Variants in COG6 observed in about 807,000 individuals in gnomAD.
COG6 encodes component of oligomeric golgi complex 6, also known as conserved oligomeric Golgi complex subunit 6.
In COG6, 74 loss-of-function variants were observed where a neutral mutation model predicts 88.8. That is an observed-to-expected ratio of 0.83 (90% CI 0.69 to 1.01). The LOEUF is 1.01. Among genes scored for constraint, COG6 ranks in the 50% least tolerant of loss-of-function variants. The pLI is 0.00. For synonymous variants in COG6, 286 were observed against 278.7 expected, an observed-to-expected ratio of 1.03 and a Z score of -0.26; for missense variants, 800 against 797.9, an observed-to-expected ratio of 1.00 and a Z score of -0.03.
At chr13:39,682,024 C>T (rs1020411246) in intron 7 of COG6, 147 bp from the exon 8 acceptor site, 5 of 633,576 alleles carry the variant, frequency 7.9e-6, no homozygotes, top group Middle Eastern at 4.3e-4. Context: ...AGCATAAATT[C>T]ATTTTTGATT....
chr13:39,659,044 A>AT (rs35836630), intron 1 of COG6, among the ~76,000 whole-genome samples: 131 of 151,526 alleles, frequency 8.6e-4, no homozygotes, highest in Non-Finnish European at 1.5e-3. Flanking sequence ...GTGCATAAAG[A>AT]TTTTTTTTTT....
In COG6 at chr13:39,675,092, ATTAT is replaced by A. The variant is rs543039226; in HGVS notation, c.429-2367_429-2364del. Among the ~76,000 whole-genome samples the A allele has an allele frequency of 2.4e-3, 372 of 152,208 alleles. 3 individuals carry two copies. The highest frequency in any genetic ancestry group is 0.014 in the Middle Eastern group (4 of 294). ...TTCCATAGTGTATATTTCACATATT[ATTAT>A]TTATTTATATAATATACAGTGATTG... is the stretch of plus-strand genomic sequence containing the variant. On this transcript the variant is annotated intron_variant, in intron 4 of 18. Coordinates refer to ENST00000455146, the MANE Select transcript of COG6 (RefSeq NM_020751.3).
chr13:39,788,229 ATATT>A (rs1420300430), intron 18 of COG6: 7 of 1,155,900 alleles, frequency 6.1e-6, no homozygotes, highest in African/African-American at 1.5e-5. Context: ...TCCTGGATGA[ATATT>A]TATTTCAGCC....
intron 8 of COG6, among the ~76,000 whole-genome samples, chr13:39,682,941 C>T (rs1423904304): frequency 6.6e-6 from 1 of 151,838 alleles, no homozygotes; most frequent in African/African-American, 2.4e-5. Flanking sequence ...AAACAGGAAA[C>T]GAGGGGACTC....
At chr13:39,705,896 T>C (rs1359580279) in intron 13 of COG6, among the ~76,000 whole-genome samples, 1 of 152,048 alleles carries the variant, frequency 6.6e-6, no homozygotes, top group Non-Finnish European at 1.5e-5. Context: ...TGAGAGGTGC[T>C]GTTCTGGTTG....
At chr13:39,731,192 A>G (rs542529404) in intron 18 of COG6, among the ~76,000 whole-genome samples, 218 of 152,176 alleles carry the variant, frequency 1.4e-3, no homozygotes, top group African/African-American at 4.7e-3. Flanking sequence ...CCTGAACTTT[A>G]TCTATCTTCA....
rs1880697389 is a variant in COG6, at chr13:39,752,523, A to G, written c.*1430A>G. On this transcript the variant is annotated 3_prime_UTR_variant, in exon 19 of 19. Transcript: ENST00000455146. ...CTTAAATTGTATATAATTTATTTCT[A>G]CAGAGAAAGAAGATTGATACCTTGC... 8.3e-7 allele frequency: 1 copy of G among 1,201,784 alleles called. No individual in the cohort carries two copies. Among genetic ancestry groups the G allele is most frequent in the South Asian group, 1.3e-5 (1 of 74,388 alleles). The allele number at this position is 1,201,784 out of a possible 1,614,324, so 74.4% of individuals were successfully genotyped here.
chr13:39,707,532 A>G (rs1319100742), intron 13 of COG6, among the ~76,000 whole-genome samples: 1 of 152,190 alleles, frequency 6.6e-6, no homozygotes, highest in Non-Finnish European at 1.5e-5. Flanking sequence ...ATAAGATATA[A>G]AACATTTCTA....
chr13:39,664,780 T>C (rs922526013), intron 3 of COG6, among the ~76,000 whole-genome samples: 4 of 152,350 alleles, frequency 2.6e-5, no homozygotes, highest in Middle Eastern at 3.4e-3. Context: ...CCTGAAGTCA[T>C]GTTCTTCATT....
intron 11 of COG6, among the ~76,000 whole-genome samples, chr13:39,692,287 T>C (rs2138017556): frequency 6.6e-6 from 1 of 152,132 alleles, no homozygotes; most frequent in African/African-American, 2.4e-5. Context: ...TTAAATTTTT[T>C]TTTTAAGCCC....
intron 18 of COG6, among the ~76,000 whole-genome samples, chr13:39,782,731 G>A (rs752037384): frequency 2.0e-5 from 3 of 152,158 alleles, no homozygotes; most frequent in Non-Finnish European, 4.4e-5. Context: ...TCACAACAGG[G>A]GCTAGCAATG....
rs1231854542 is a variant in COG6, at chr13:39,699,536, C to G, written c.1202C>G (p.Thr401Ser). 1 of 1,593,486 alleles carries G rather than the reference C, an allele frequency of 6.3e-7. No homozygotes were observed. The highest frequency in any genetic ancestry group is 1.7e-5 in the Admixed American group (1 of 59,660). Reference sequence around the variant, plus strand: ...GGAAATAGTGCAACTGCATTATTGACTACCATTGAAGAAATGCATTTGCTA... The same window carrying G: ...GGAAATAGTGCAACTGCATTATTGAGTACCATTGAAGAAATGCATTTGCTA... ...IVGNSATALL[T>S]TIEEMHLLSK... is the part of the protein sequence containing the mutation. Residue 401 changes from threonine (T) to serine (S), a missense_variant, in exon 13 of 19, where the codon ACT becomes AGT. Transcript: ENST00000455146.
intron 18 of COG6, among the ~76,000 whole-genome samples, chr13:39,768,062 C>T (rs891149075): frequency 3.7e-4 from 57 of 152,186 alleles, no homozygotes; most frequent in African/African-American, 1.4e-3. Flanking sequence ...CAGGCACTCT[C>T]AGATCTTACC....
At chr13:39,672,620 A>G (rs1316165608) in intron 4 of COG6, among the ~76,000 whole-genome samples, 2 of 152,026 alleles carry the variant, frequency 1.3e-5, no homozygotes, top group Non-Finnish European at 1.5e-5. Context: ...GTATAGCAAC[A>G]CCACATTTTG....
At position 39,719,677 on chromosome 13, in the gene COG6, G is replaced by A; in HGVS notation, c.1434G>A (p.Leu478=). The A allele has an allele frequency of 6.2e-7, 1 of 1,612,420 alleles. No homozygotes were observed. Among genetic ancestry groups the A allele is most frequent in the Non-Finnish European group, 8.5e-7 (1 of 1,178,898 alleles). Residue 478 remains leucine, a synonymous_variant, in exon 15 of 19, where the codon TTG becomes TTA. Transcript: ENST00000455146. The part of the protein sequence containing the change: ...ADFVQVLSCV[L]DPLLQMCTVS... ...ATTTGTAGGTTTTATCATGTGTCTTGGATCCTCTCCTACAGATGTGTACTG... is the reference window on the plus strand; with the variant it reads ...ATTTGTAGGTTTTATCATGTGTCTTAGATCCTCTCCTACAGATGTGTACTG...
chr13:39,735,243 T>A (rs969944473), intron 18 of COG6, among the ~76,000 whole-genome samples: 1 of 152,156 alleles, frequency 6.6e-6, no homozygotes, highest in African/African-American at 2.4e-5. Flanking sequence ...TTTAAATTTC[T>A]TTTTATTTTT....
At chr13:39,725,874 T>A (rs1879109032) in intron 17 of COG6, among the ~76,000 whole-genome samples, 1 of 151,874 alleles carries the variant, frequency 6.6e-6, no homozygotes, top group East Asian at 1.9e-4. Flanking sequence ...CCCCCAAAAA[T>A]GAAGATCTAT....
intron 13 of COG6, among the ~76,000 whole-genome samples, chr13:39,705,323 G>A (rs892337257): frequency 1.3e-5 from 2 of 152,046 alleles, no homozygotes; most frequent in Non-Finnish European, 2.9e-5. Context: ...GTGAGAAAAA[G>A]GAAATTCAAG....
At chr13:39,660,928 AC>A in intron 3 of COG6, 47 bp downstream of exon 3, 8 of 1,115,824 alleles carry the variant, frequency 7.2e-6, no homozygotes, top group Non-Finnish European at 1.1e-5. Context: ...ATATAAACTT[AC>A]AAAAATTATT....
Sources: gnomAD v4.1 joint callset for allele counts (sites outside exome capture counted in the v4.1 genomes callset) on GRCh38, gnomAD v4.1.1 for gene constraint, MANE v1.5 for transcripts, NCBI Gene and HGNC (gene_info 2026-07-23, HGNC 2026-07-21) for gene names.